ALKBH8: variants seen among roughly 807,000 people sequenced by gnomAD.
ALKBH8 encodes the protein alkB homolog 8, tRNA methyltransferase, also known as tRNA (carboxymethyluridine(34)-5-O)-methyltransferase ALKBH8.
A neutral mutation model predicts 59.8 loss-of-function variants in ALKBH8; 36 were observed. The observed-to-expected ratio is 0.60, with a 90% CI of 0.46 to 0.79. The LOEUF (loss-of-function observed/expected upper bound fraction) is 0.79, where lower values mean the gene tolerates loss of function less well. Among genes scored for constraint, ALKBH8 ranks in the 30% least tolerant of loss-of-function variants. The pLI is 0.00. For missense variants in ALKBH8, 768 were observed against 801.0 expected, an observed-to-expected ratio of 0.96 and a Z score of 0.50; for synonymous variants, 276 against 273.6, an observed-to-expected ratio of 1.01 and a Z score of -0.09.
At position 107,503,794 on chromosome 11, in the gene ALKBH8, T is replaced by G. The variant is rs1862266943; in HGVS notation, c.*864A>C. On this transcript the variant is annotated 3_prime_UTR_variant, in exon 12 of 12. Transcript: ENST00000428149. ...TTAAAGGAGCACATTTGGGTTGTTT[T>G]TAGCACCCTGCTCAATGAATTTGGA... is the stretch of plus-strand genomic sequence containing the variant. The G allele has an allele frequency of 1.3e-5, 2 of 152,220 alleles. No individual in the cohort carries two copies. Among genetic ancestry groups the G allele is most frequent in the Admixed American group, 6.5e-5 (1 of 15,268 alleles). The allele number at this position is 152,220 out of a possible 1,614,324, so 9.4% of individuals were successfully genotyped here.
chr11:107,533,477 A>G (rs565881842), intron 7 of ALKBH8, among the ~76,000 whole-genome samples: 3 of 152,296 alleles, frequency 2.0e-5, no homozygotes, highest in Non-Finnish European at 4.4e-5. Flanking sequence ...GAGCTAAAGT[A>G]GTTTTCTTCC....
At chr11:107,538,770 C>T (rs1032621145) in intron 7 of ALKBH8, among the ~76,000 whole-genome samples, 4 of 152,162 alleles carry the variant, frequency 2.6e-5, no homozygotes, top group Non-Finnish European at 4.4e-5. Flanking sequence ...GAAGAATATA[C>T]GCTACTGGGA....
chr11:107,535,599 T>C (rs635386), intron 7 of ALKBH8, among the ~76,000 whole-genome samples: 145,578 of 152,208 alleles, frequency 0.96, 69,788 homozygotes, highest in African/African-American at 0.99. Context: ...TTTTTTGATA[T>C]GATTGTTTGT....
At chr11:107,505,877 G>GAGT (rs1232656689) in intron 11 of ALKBH8, among the ~76,000 whole-genome samples, 1 of 152,194 alleles carries the variant, frequency 6.6e-6, no homozygotes. Context: ...ATAGGGCTCA[G>GAGT]AGTACAGGGA....
At chr11:107,508,414 C>T (rs77882996) in intron 11 of ALKBH8, among the ~76,000 whole-genome samples, 1,544 of 152,284 alleles carry the variant, frequency 0.01, 28 homozygotes, top group African/African-American at 0.035. Context: ...CTCAAGTGAT[C>T]CACTCGCTTT....
At chr11:107,523,822 G>A (rs1334552822) in intron 9 of ALKBH8, among the ~76,000 whole-genome samples, 3 of 151,654 alleles carry the variant, frequency 2.0e-5, no homozygotes, top group African/African-American at 7.3e-5. Flanking sequence ...GGCTGGTCTC[G>A]AACTCCTGAC....
chr11:107,543,207 G>C (rs1227714948), intron 7 of ALKBH8, among the ~76,000 whole-genome samples: 1 of 151,922 alleles, frequency 6.6e-6, no homozygotes, highest in Non-Finnish European at 1.5e-5. Context: ...CGTGGTGGTG[G>C]GCACCTGTAA....
chr11:107,539,698 A>G (rs911294207), intron 7 of ALKBH8, among the ~76,000 whole-genome samples: 11 of 152,208 alleles, frequency 7.2e-5, no homozygotes, highest in African/African-American at 2.4e-4. Flanking sequence ...AACAACAACA[A>G]AAAGCAAAAA....
rs1285406094 is a variant in ALKBH8, at chr11:107,560,958, AATG to A, written c.-6-62_-6-60del. On this transcript the variant is annotated intron_variant, in intron 1 of 11. Coordinates refer to ENST00000428149, the MANE Select transcript of ALKBH8 (RefSeq NM_138775.3). Reference sequence around the variant, plus strand: ...TTAAGAGTCCTGAAGGAACAATTATAATGATGTTATTCATACATTCTATAGTTT... The same window carrying A: ...TTAAGAGTCCTGAAGGAACAATTATAATGTTATTCATACATTCTATAGTTT... 6.3e-6 allele frequency: 9 copies of A among 1,438,284 alleles called. No homozygotes were observed. The African/African-American group carries it at 1.0e-4, about 16-fold the overall frequency. The allele number at this position is 1,438,284 out of a possible 1,614,324, so 89.1% of individuals were successfully genotyped here.
Position 107,504,615 on chromosome 11 carries a change from A to G in ALKBH8, c.*43T>C. On this transcript the variant is annotated 3_prime_UTR_variant, in exon 12 of 12. Coordinates refer to ENST00000428149, the MANE Select transcript of ALKBH8 (RefSeq NM_138775.3). Reference sequence around the variant, plus strand: ...TTAATTTATTCTCTCTTTTTTTTTAAGTGAGCATTTCTTCTTTATATATGA... The same window carrying G: ...TTAATTTATTCTCTCTTTTTTTTTAGGTGAGCATTTCTTCTTTATATATGA... 1 of 1,523,784 alleles carries G rather than the reference A, an allele frequency of 6.6e-7. No homozygotes were observed. Among genetic ancestry groups the G allele is most frequent in the South Asian group, 1.2e-5 (1 of 80,624 alleles). 94.4% of individuals were successfully genotyped at this position (1,523,784 alleles called of 1,614,324 possible).
chr11:107,555,245 G>A (rs2135580972), intron 3 of ALKBH8, among the ~76,000 whole-genome samples: 1 of 152,154 alleles, frequency 6.6e-6, no homozygotes, highest in African/African-American at 2.4e-5. Context: ...AGGTGAAAGA[G>A]CAGGACTCTG....
chr11:107,530,723 A>G (rs1863560565), intron 8 of ALKBH8, among the ~76,000 whole-genome samples: 1 of 152,110 alleles, frequency 6.6e-6, no homozygotes, highest in South Asian at 2.1e-4. Context: ...CCCTAAAAAT[A>G]CTGTAGAGAA....
intron 5 of ALKBH8, among the ~76,000 whole-genome samples, chr11:107,552,654 G>A (rs1183917507): frequency 6.6e-6 from 1 of 152,138 alleles, no homozygotes; most frequent in Admixed American, 6.5e-5. Context: ...AACTGTTTTA[G>A]GAAGCAATTT....
chr11:107,548,946 G>C (rs974494100), intron 7 of ALKBH8, among the ~76,000 whole-genome samples: 4 of 151,918 alleles, frequency 2.6e-5, no homozygotes, highest in African/African-American at 4.8e-5. Flanking sequence ...TGCCTCCCAG[G>C]TTCAAGTGAT....
intron 6 of ALKBH8, among the ~76,000 whole-genome samples, chr11:107,550,657 A>T (rs1864450896): frequency 6.6e-6 from 1 of 152,220 alleles, no homozygotes; most frequent in African/African-American, 2.4e-5. Context: ...CACAGCTACA[A>T]ATCTAAAGCC....
rs538384377 is a variant in ALKBH8, at chr11:107,541,249, TACTA to T, written c.771+8500_771+8503del. ...AAGCCATAGTAGCTACTATTCATATTACTAACTGTGTATCAACTCCTGATGACAA... is the reference window on the plus strand; with the variant it reads ...AAGCCATAGTAGCTACTATTCATATTACTGTGTATCAACTCCTGATGACAA... On this transcript the variant is annotated intron_variant, in intron 7 of 11. Coordinates refer to ENST00000428149, the MANE Select transcript of ALKBH8 (RefSeq NM_138775.3). Among the ~76,000 whole-genome samples the T allele has an allele frequency of 2.0e-3, 303 of 152,308 alleles. 1 individual carries two copies. The highest frequency in any genetic ancestry group is 6.9e-3 in the African/African-American group (285 of 41,574).
chr11:107,534,675 A>G (rs1416109350), intron 7 of ALKBH8, among the ~76,000 whole-genome samples: 1 of 152,186 alleles, frequency 6.6e-6, no homozygotes, highest in Non-Finnish European at 1.5e-5. Flanking sequence ...GGCATATACA[A>G]GCCAAGTTTC....
intron 7 of ALKBH8, among the ~76,000 whole-genome samples, chr11:107,540,967 T>C (rs12421525): frequency 0.068 from 10,310 of 152,218 alleles, 509 homozygotes; most frequent in Admixed American, 0.16. Context: ...TACAGAAGAC[T>C]TCCTAAATTC....
At chr11:107,520,928 G>A (rs903277087) in intron 10 of ALKBH8, among the ~76,000 whole-genome samples, 3 of 152,040 alleles carry the variant, frequency 2.0e-5, no homozygotes, top group Non-Finnish European at 4.4e-5. Flanking sequence ...AATATGTATA[G>A]ACTTTTTTCT....
Sources: gnomAD v4.1 joint callset for allele counts (sites outside exome capture counted in the v4.1 genomes callset) on GRCh38, gnomAD v4.1.1 for gene constraint, MANE v1.5 for transcripts, NCBI Gene and HGNC (gene_info 2026-07-23, HGNC 2026-07-21) for gene names.